PTPRD: variants seen among roughly 807,000 people sequenced by gnomAD.
The protein encoded by PTPRD is receptor-type tyrosine-protein phosphatase delta.
A neutral mutation model predicts 214.5 loss-of-function variants in PTPRD; 34 were observed. The observed-to-expected ratio is 0.16, with a 90% CI of 0.12 to 0.21. The LOEUF (loss-of-function observed/expected upper bound fraction) is 0.21. PTPRD is among the 10% of genes least tolerant of loss of function. The probability of loss-of-function intolerance (pLI) is 1.00; values close to 1 mark genes in which losing one functional copy is unlikely to be tolerated. For synonymous variants in PTPRD, 1,128 were observed against 845.7 expected, an observed-to-expected ratio of 1.33 and a Z score of -5.79; for missense variants, 2,545 against 2,398.7, an observed-to-expected ratio of 1.06 and a Z score of -1.27.
intron 8 of PTPRD, among the ~76,000 whole-genome samples, chr9:9,562,434 A>T (rs964268470): frequency 6.6e-6 from 1 of 152,162 alleles, no homozygotes; most frequent in African/African-American, 2.4e-5. Flanking sequence ...GTCAACAGAG[A>T]TAATTACCTT....
chr9:9,332,000 T>A (rs1385260379), intron 9 of PTPRD, among the ~76,000 whole-genome samples: 7 of 152,146 alleles, frequency 4.6e-5, no homozygotes, highest in Admixed American at 3.9e-4. Context: ...ATGGGAGGAA[T>A]AAAAGGCTAT....
intron 5 of PTPRD, among the ~76,000 whole-genome samples, chr9:9,915,771 C>T (rs913001540): frequency 1.4e-4 from 21 of 151,690 alleles, no homozygotes; most frequent in African/African-American, 4.8e-4. Flanking sequence ...TTATTATAAG[C>T]ATTCAAGAAA....
At chr9:10,066,780 G>C (rs1259278667) in intron 3 of PTPRD, among the ~76,000 whole-genome samples, 3 of 151,838 alleles carry the variant, frequency 2.0e-5, no homozygotes, top group Non-Finnish European at 4.4e-5. Flanking sequence ...TTATTGTTGT[G>C]TGCTTGTTTT....
At chr9:10,263,768 T>C (rs2093858418) in intron 3 of PTPRD, among the ~76,000 whole-genome samples, 1 of 152,124 alleles carries the variant, frequency 6.6e-6, no homozygotes, top group East Asian at 1.9e-4. Flanking sequence ...CCAATGTTAA[T>C]CACCAAGACA....
At chr9:10,408,289 C>G (rs562047485) in intron 2 of PTPRD, among the ~76,000 whole-genome samples, 3 of 151,636 alleles carry the variant, frequency 2.0e-5, no homozygotes, top group South Asian at 4.1e-4. Flanking sequence ...TTCTGCTTGT[C>G]TAGGTCTCTA....
At chr9:9,429,102 A>G (rs2082102554) in intron 8 of PTPRD, among the ~76,000 whole-genome samples, 2 of 152,298 alleles carry the variant, frequency 1.3e-5, no homozygotes, top group Middle Eastern at 3.4e-3. Context: ...TCAAAAATCA[A>G]TGAATCCAGG....
chr9:8,915,786 G>C (rs1024510797), intron 11 of PTPRD, among the ~76,000 whole-genome samples: 1 of 152,180 alleles, frequency 6.6e-6, no homozygotes, highest in Non-Finnish European at 1.5e-5. Context: ...CAAGTGATTG[G>C]ATGAGGCACA....
intron 8 of PTPRD, among the ~76,000 whole-genome samples, chr9:9,481,345 C>A (rs1216682150): frequency 6.6e-6 from 1 of 152,020 alleles, no homozygotes; most frequent in Non-Finnish European, 1.5e-5. Flanking sequence ...CCTTGCTGAT[C>A]CTTAGTTTTC....
chr9:9,345,650 T>C lies in PTPRD; in HGVS notation c.-203+51799A>G, dbSNP rs528459169. ...GGCTAGATTAGCATTGAGGCTAAAA[T>C]AATCATGAATTCTGAAGGCATATTA... On this transcript the variant is annotated intron_variant, in intron 9 of 45. Coordinates refer to ENST00000381196, the MANE Select transcript of PTPRD (RefSeq NM_002839.4). Among the ~76,000 whole-genome samples, 12 of 152,294 alleles carry C rather than the reference T, an allele frequency of 7.9e-5. No homozygotes were observed. In the South Asian group the frequency reaches 2.3e-3, roughly 29 times the overall value.
intron 11 of PTPRD, among the ~76,000 whole-genome samples, chr9:8,977,687 GTCC>G (rs2099276040): frequency 7.6e-6 from 1 of 131,400 alleles, no homozygotes; most frequent in Admixed American, 7.8e-5. Context: ...TTTTTTGCTA[GTCC>G]TCAGTTGTCC....
chr9:9,010,584 T>C (rs2099507215), intron 11 of PTPRD, among the ~76,000 whole-genome samples: 1 of 152,240 alleles, frequency 6.6e-6, no homozygotes, highest in Non-Finnish European at 1.5e-5. Flanking sequence ...GTTGCTTTTC[T>C]GCACTTGAGG....
chr9:10,022,806 T>G (rs2096849770), intron 4 of PTPRD, among the ~76,000 whole-genome samples: 1 of 152,216 alleles, frequency 6.6e-6, no homozygotes, highest in South Asian at 2.1e-4. Flanking sequence ...TAAAAATGAT[T>G]TCTTCCATTA....
At chr9:9,952,223 C>A (rs992304407) in intron 4 of PTPRD, among the ~76,000 whole-genome samples, 2 of 152,078 alleles carry the variant, frequency 1.3e-5, no homozygotes, top group Admixed American at 6.6e-5. Context: ...AGAGCTCAAA[C>A]GTGGCTATGT....
At chr9:9,335,228 A>T (rs1296917125) in intron 9 of PTPRD, among the ~76,000 whole-genome samples, 1 of 152,082 alleles carries the variant, frequency 6.6e-6, no homozygotes, top group Admixed American at 6.6e-5. Flanking sequence ...ATTGCAGTTC[A>T]TATTACATTA....
At chr9:10,376,972 T>C (rs1173441704) in intron 2 of PTPRD, among the ~76,000 whole-genome samples, 3 of 152,030 alleles carry the variant, frequency 2.0e-5, no homozygotes, top group Non-Finnish European at 4.4e-5. Flanking sequence ...AGTCACCCTG[T>C]AGTGCTATCA....
intron 3 of PTPRD, among the ~76,000 whole-genome samples, chr9:10,198,915 C>G (rs1178355619): frequency 2.6e-5 from 4 of 152,046 alleles, no homozygotes; most frequent in Admixed American, 1.3e-4. Context: ...GCTTAGGGGT[C>G]ACTTTTTTCA....
At chr9:9,824,305 T>C (rs117687440) in intron 5 of PTPRD, among the ~76,000 whole-genome samples, 1 of 152,038 alleles carries the variant, frequency 6.6e-6, no homozygotes, top group African/African-American at 2.4e-5. Flanking sequence ...ACTTTCTTCA[T>C]TACTTATGAC....
At chr9:10,282,914 T>C (rs1287809273) in intron 3 of PTPRD, among the ~76,000 whole-genome samples, 2 of 152,114 alleles carry the variant, frequency 1.3e-5, no homozygotes, top group South Asian at 2.1e-4. Flanking sequence ...AAAACTCTAT[T>C]CTCTCATTTC....
At chr9:9,928,041 G>A (rs1176448074) in intron 5 of PTPRD, among the ~76,000 whole-genome samples, 1 of 152,050 alleles carries the variant, frequency 6.6e-6, no homozygotes, top group Non-Finnish European at 1.5e-5. Context: ...TGCTTCATGT[G>A]AACAACGTTT....
Sources: gnomAD v4.1 joint callset for allele counts (sites outside exome capture counted in the v4.1 genomes callset) on GRCh38, gnomAD v4.1.1 for gene constraint, MANE v1.5 for transcripts, NCBI Gene and HGNC (gene_info 2026-07-23, HGNC 2026-07-21) for gene names.